ZFHX2: variants seen among roughly 807,000 people sequenced by gnomAD.
ZFHX2 encodes zinc finger homeobox 2.
A neutral mutation model predicts 164.8 loss-of-function variants in ZFHX2; 75 were observed. The observed-to-expected ratio is 0.46, with a 90% CI of 0.38 to 0.55. The LOEUF is 0.55. Among genes scored for constraint, ZFHX2 ranks in the 20% least tolerant of loss-of-function variants. The probability of loss-of-function intolerance (pLI) is 0.00; values close to 1 mark genes in which losing one functional copy is unlikely to be tolerated. For missense variants in ZFHX2, 2,933 were observed against 3,308.0 expected, an observed-to-expected ratio of 0.89 and a Z score of 2.78; for synonymous variants, 1,217 against 1,351.4, an observed-to-expected ratio of 0.90 and a Z score of 2.18.
Position 23,522,779 on chromosome 14 carries a change from G to A in ZFHX2, c.6902C>T (p.Pro2301Leu). Reference protein sequence around the residue: ...AGTTDPVPGPPTEPLGDKVSS... With the variant: ...AGTTDPVPGPLTEPLGDKVSS... ...GACCTTGTCCCCCAAGGGCTCAGTA[G>A]GAGGGCCTGGGACAGGGTCAGTGGT... Residue 2301 changes from proline (P) to leucine (L), a missense_variant, in exon 10 of 10, where the codon CCT (proline) becomes CTT (leucine). Transcript: ENST00000419474. 2.0e-6 allele frequency: 3 copies of A among 1,536,444 alleles called. No homozygotes were observed. The highest frequency in any genetic ancestry group is 2.6e-6 in the Non-Finnish European group (3 of 1,146,922).
At chr14:23,538,686 T>TA (rs1411964088) in intron 1 of ZFHX2, among the ~76,000 whole-genome samples, 2 of 151,988 alleles carry the variant, frequency 1.3e-5, no homozygotes, top group African/African-American at 4.8e-5. Flanking sequence ...AGGCGACCCC[T>TA]GAAAGGCCCT....
intron 1 of ZFHX2, among the ~76,000 whole-genome samples, chr14:23,541,541 C>T (rs1012815699): frequency 2.6e-5 from 4 of 152,146 alleles, no homozygotes; most frequent in Admixed American, 2.6e-4. Context: ...CCCACCTCGC[C>T]CTCCCAAAGT....
In ZFHX2 at chr14:23,522,011, G is replaced by A. The variant is rs536411110; in HGVS notation, c.7670C>T (p.Thr2557Met). The change falls in exon 10 of 10, where the codon ACG becomes ATG. Residue 2557 changes from threonine to methionine, a missense_variant. Transcript: ENST00000419474. ...AGTCGTAGTTTTTGGGTTGGAGTCC[G>A]TGTGAGGTAATCTTGCTTCCTCTTT... ...FAKEEARLPHTDSNPKTTTTS... is the reference protein window; with the variant it reads ...FAKEEARLPHMDSNPKTTTTS... 92 of 1,536,404 alleles carry A rather than the reference G, an allele frequency of 6.0e-5. No homozygotes were observed. Among genetic ancestry groups the A allele is most frequent in the East Asian group, 4.2e-4 (17 of 40,910 alleles).
In ZFHX2 at chr14:23,525,326, C is replaced by T. The variant is rs1174638694; in HGVS notation, c.4616G>A (p.Gly1539Glu). The T allele has an allele frequency of 6.5e-7, 1 of 1,536,050 alleles. No individual in the cohort carries two copies. The highest frequency in any genetic ancestry group is 8.7e-7 in the Non-Finnish European group (1 of 1,146,890). ...ATGGGGAACAGGTGAATCCAGAGAC[C>T]CATCAGGAGGTTTGGGAGGCTCTGC... ...PLAEPPKPPD[G>E]SLDSPVPHLG... The change falls in exon 9 of 10, where the codon GGG becomes GAG. Residue 1539 changes from glycine to glutamate, a missense_variant. Transcript: ENST00000419474. The surrounding 1 kb of genome is among the most constrained non-coding windows in gnomAD (Gnocchi z 5.9).
intron 6 of ZFHX2, chr14:23,528,850 C>T: frequency 2.0e-6 from 2 of 985,136 alleles, no homozygotes; most frequent in East Asian, 1.1e-4. Flanking sequence ...GCCAGACCTA[C>T]CCAGCCTGCA....
rs889099971 is a variant in ZFHX2, at chr14:23,534,624, C to T, written c.702G>A (p.Ala234=). The change falls in exon 2 of 10, where the codon GCG becomes GCA. Residue 234 remains alanine, a synonymous_variant. Coordinates refer to ENST00000419474, the MANE Select transcript of ZFHX2 (RefSeq NM_033400.3). The surrounding 1 kb of genome is among the most constrained non-coding windows in gnomAD (Gnocchi z 4.5). ...GGCACAGAAGGCAGAGCCAGAAGAC[C>T]GCCACGTGGTTGCCCCCGCTGTTCC... is the stretch of plus-strand genomic sequence containing the variant. ...PMGNSGGNHV[A]VFWLCLLCRL... is the part of the protein sequence containing the mutation. 69 of 1,536,014 alleles carry T rather than the reference C, an allele frequency of 4.5e-5. No individual in the cohort carries two copies. The highest frequency in any genetic ancestry group is 1.5e-4 in the African/African-American group (11 of 73,026).
Position 23,525,971 on chromosome 14 carries a change from G to T in ZFHX2, c.3971C>A (p.Ser1324Tyr). ...CAGGTCCAAGGGAGGTGGGGGAGGG[G>T]ACAGGAAAGGCAATCCAGATATGAA... ...SGFISGLPFLSPPPPPLDLHR... is the reference protein window; with the variant it reads ...SGFISGLPFLYPPPPPLDLHR... Residue 1324 changes from serine to tyrosine, a missense_variant, in exon 9 of 10, where the codon TCC becomes TAC. Physicochemically the swap from Ser to Tyr is moderately radical, Grantham distance 144 (BLOSUM62 -2). Transcript: ENST00000419474. This position sits in a 1 kb window ranked among gnomAD's most constrained non-coding sequence, Gnocchi z 5.9. 1 of 1,508,812 alleles carries T rather than the reference G, an allele frequency of 6.6e-7. No homozygotes were observed. The allele number at this position is 1,508,812 out of a possible 1,614,324, so 93.5% of individuals were successfully genotyped here. A position where few individuals can be genotyped will look rare whatever the true frequency, so the allele number is the denominator to read the frequency against.
chr14:23,537,741 G>A (rs1880342637), intron 1 of ZFHX2, among the ~76,000 whole-genome samples: 1 of 152,200 alleles, frequency 6.6e-6, no homozygotes, highest in South Asian at 2.1e-4. Context: ...CCCTCAAGTT[G>A]AGGGAGAAAG....
rs1286612397 is a variant in ZFHX2, at chr14:23,526,522, T to C, written c.3420A>G (p.Val1140=). Residue 1140 remains valine, a synonymous_variant, in exon 9 of 10, where the codon GTA becomes GTG. Transcript: ENST00000419474. ...CCTCAGCCATGGTGGGCGGAGGAGCTACGTCTTCAGCTTGGGCATCAGGTT... is the reference window on the plus strand; with the variant it reads ...CCTCAGCCATGGTGGGCGGAGGAGCCACGTCTTCAGCTTGGGCATCAGGTT... The part of the protein sequence containing the change: ...VPEPDAQAED[V]APPPTMAEEE... 1 of 1,535,870 alleles carries C rather than the reference T, an allele frequency of 6.5e-7. No homozygotes were observed. The highest frequency in any genetic ancestry group is 2.0e-5 in the Admixed American group (1 of 50,976).
Position 23,551,139 on chromosome 14 carries a change from T to C in ZFHX2, c.-50+204A>G, listed in dbSNP as rs972649258. 2.6e-5 allele frequency among the ~76,000 whole-genome samples: 4 copies of C among 150,964 alleles called. No homozygotes were observed. The highest frequency in any genetic ancestry group is 9.8e-5 in the African/African-American group (4 of 40,948). On this transcript the variant is annotated intron_variant, in intron 1 of 9. Transcript: ENST00000419474. This position sits in a 1 kb window ranked among gnomAD's most constrained non-coding sequence, Gnocchi z 5.3. ...CTCTTCCTCCCACACCCCTGTCTGC[T>C]ATCTCCCAGGGCTCTCGGTCTGTCT... is the stretch of plus-strand genomic sequence containing the variant.
At chr14:23,531,854 T>G (rs1323557413) in intron 3 of ZFHX2, 133 bp from the exon 4 acceptor site, 2 of 1,163,524 alleles carry the variant, frequency 1.7e-6, no homozygotes, top group Admixed American at 8.3e-5. Flanking sequence ...CTCTACTCAC[T>G]GAAGCCTCTA....
At chr14:23,552,323 T>C (rs1882034434), upstream of ZFHX2, among the ~76,000 whole-genome samples, 1 of 147,964 alleles carries the variant, frequency 6.8e-6, no homozygotes, top group Admixed American at 6.8e-5. Flanking sequence ...AGACGGAGTC[T>C]CACTCAGTCG....
In ZFHX2 at chr14:23,533,825, A is replaced by G. The variant is rs536013929; in HGVS notation, c.1501T>C (p.Tyr501His). 3 of 1,542,874 alleles carry G rather than the reference A, an allele frequency of 1.9e-6. No individual in the cohort carries two copies. The highest frequency in any genetic ancestry group is 2.6e-6 in the Non-Finnish European group (3 of 1,150,282). Residue 501 changes from tyrosine to histidine, a missense_variant, in exon 2 of 10, where the codon TAC becomes CAC. By Grantham distance (83) the Tyr-to-His change is moderately conservative. Transcript: ENST00000419474. This position sits in a 1 kb window ranked among gnomAD's most constrained non-coding sequence, Gnocchi z 4.8. ...AHPRLARGES[Y>H]NCGYKPYRCD... Reference sequence around the variant, plus strand: ...CGGTAGGGTTTGTAGCCACAGTTGTAGCTCTCTCCACGAGCAAGGCGGGGG... The same window carrying G: ...CGGTAGGGTTTGTAGCCACAGTTGTGGCTCTCTCCACGAGCAAGGCGGGGG...
chr14:23,537,902 C>T (rs896177211), intron 1 of ZFHX2: 1 of 152,326 alleles, frequency 6.6e-6, no homozygotes, highest in African/African-American at 2.4e-5. Flanking sequence ...GAGGCCCTGT[C>T]CTGGGCCCTG....
At chr14:23,554,743 A>T (rs902767732), upstream of ZFHX2, among the ~76,000 whole-genome samples, 2 of 152,036 alleles carry the variant, frequency 1.3e-5, no homozygotes, top group Admixed American at 1.3e-4. Flanking sequence ...CTCACTGGTC[A>T]TGTATTTCCA....
intron 1 of ZFHX2, chr14:23,542,168 C>T (rs1236283430): frequency 6.6e-6 from 1 of 152,352 alleles, no homozygotes; most frequent in East Asian, 1.9e-4. Context: ...GGCCTCCCAG[C>T]TCTGGCACCA....
At chr14:23,547,244 T>A (rs1280698745) in intron 1 of ZFHX2, among the ~76,000 whole-genome samples, 13 of 152,274 alleles carry the variant, frequency 8.5e-5, no homozygotes, top group Non-Finnish European at 1.8e-4. Context: ...TTTGGCCTTT[T>A]GGCCCACATG....
Position 23,523,674 on chromosome 14 carries a change from G to A in ZFHX2, c.6268C>T (p.Pro2090Ser), listed in dbSNP as rs1878335351. The change falls in exon 9 of 10, where the codon CCC (proline) becomes TCC (serine). Residue 2090 changes from proline to serine, a missense_variant. Transcript: ENST00000419474. The surrounding 1 kb of genome is among the most constrained non-coding windows in gnomAD (Gnocchi z 4.1). ...MKACYEAYRT[P>S]TMQECEVLGE... Reference sequence around the variant, plus strand: ...AGCACCTCACACTCCTGCATGGTGGGGGTGCGGTAAGCTTCATAGCAGGCT... The same window carrying A: ...AGCACCTCACACTCCTGCATGGTGGAGGTGCGGTAAGCTTCATAGCAGGCT... 3 of 1,540,336 alleles carry A rather than the reference G, an allele frequency of 1.9e-6. No homozygotes were observed. Among genetic ancestry groups the A allele is most frequent in the Non-Finnish European group, 2.6e-6 (3 of 1,148,784 alleles).
Position 23,525,965 on chromosome 14 carries a change from G to A in ZFHX2, c.3977C>T (p.Pro1326Leu). The change falls in exon 9 of 10, where the codon CCC (proline) becomes CTC (leucine). Residue 1326 changes from proline (P) to leucine (L), a missense_variant. Transcript: ENST00000419474. This position sits in a 1 kb window ranked among gnomAD's most constrained non-coding sequence, Gnocchi z 5.9. ...FISGLPFLSP[P>L]PPPLDLHRFP... ...TCGGTGCAGGTCCAAGGGAGGTGGG[G>A]GAGGGGACAGGAAAGGCAATCCAGA... The A allele has an allele frequency of 6.6e-7, 1 of 1,504,288 alleles. No homozygotes were observed. Among genetic ancestry groups the A allele is most frequent in the Non-Finnish European group, 8.8e-7 (1 of 1,130,178 alleles). 93.2% of individuals were successfully genotyped at this position (1,504,288 alleles called of 1,614,324 possible).
Sources: gnomAD v4.1 joint callset for allele counts (sites outside exome capture counted in the v4.1 genomes callset) on GRCh38, gnomAD v4.1.1 for gene constraint, Gnocchi (gnomAD v3.1) non-coding constraint, MANE v1.5 for transcripts, NCBI Gene and HGNC (gene_info 2026-07-23, HGNC 2026-07-21) for gene names.